The following DGKB variants were observed in gnomAD, a reference collection of about 807,000 sequenced individuals.
DGKB encodes 90 kDa diacylglycerol kinase.
In DGKB, 67 loss-of-function variants were observed where a neutral mutation model predicts 114.3. The observed-to-expected ratio is 0.59, with a 90% CI of 0.48 to 0.72. The LOEUF is 0.72. Ranked by LOEUF, DGKB falls within the 30% of genes least tolerant of loss-of-function variation. The pLI, the probability that DGKB is intolerant of heterozygous loss-of-function variation, is 0.00. For missense variants in DGKB, 907 were observed against 975.2 expected (o/e 0.93, Z 0.93); for synonymous variants, 398 against 323.1 (o/e 1.23, Z -2.49).
At chr7:14,452,246 T>G (rs549819355) in intron 21 of DGKB, among the ~76,000 whole-genome samples, 55 of 152,244 alleles carry the variant, frequency 3.6e-4, no homozygotes, top group Non-Finnish European at 6.8e-4. Flanking sequence ...AGTAAGCATA[T>G]GTTATTTTAT....
At chr7:14,431,474 G>T (rs1366452026) in intron 21 of DGKB, among the ~76,000 whole-genome samples, 2 of 152,072 alleles carry the variant, frequency 1.3e-5, no homozygotes, top group African/African-American at 4.8e-5. Context: ...AAAATGTTCA[G>T]AAATTCAAAC....
intron 20 of DGKB, 138 bp from the exon 21 acceptor site, chr7:14,478,363 T>A: frequency 3.8e-6 from 2 of 525,052 alleles, no homozygotes; most frequent in South Asian, 4.1e-5. Context: ...TTATGTAAAA[T>A]TAGGCAAAAA....
At chr7:14,261,977 T>C (rs1377628042) in intron 23 of DGKB, among the ~76,000 whole-genome samples, 1 of 152,206 alleles carries the variant, frequency 6.6e-6, no homozygotes, top group Non-Finnish European at 1.5e-5. Context: ...TTATGCATAG[T>C]GAAATGTGCT....
At chr7:14,314,543 T>C (rs1320549942) in intron 23 of DGKB, among the ~76,000 whole-genome samples, 5 of 151,560 alleles carry the variant, frequency 3.3e-5, no homozygotes, top group Non-Finnish European at 5.9e-5. Context: ...CAATGGAAGA[T>C]GAAATGAATG....
At chr7:14,696,333 A>C (rs896012568) in intron 8 of DGKB, among the ~76,000 whole-genome samples, 1 of 151,516 alleles carries the variant, frequency 6.6e-6, no homozygotes, top group Non-Finnish European at 1.5e-5. Context: ...CTCTACTAAA[A>C]ATACAAAAAA....
chr7:14,739,034 C>T (rs1832155648), intron 4 of DGKB, among the ~76,000 whole-genome samples: 1 of 152,094 alleles, frequency 6.6e-6, no homozygotes, highest in South Asian at 2.1e-4. Context: ...ATGCCAAGTC[C>T]CAAGTGTATG....
intron 20 of DGKB, among the ~76,000 whole-genome samples, chr7:14,545,006 G>T (rs140495548): frequency 8.8e-4 from 134 of 151,746 alleles, no homozygotes; most frequent in African/African-American, 3.0e-3. Flanking sequence ...TTAAAAAACA[G>T]ATTTTAAACA....
intron 23 of DGKB, among the ~76,000 whole-genome samples, chr7:14,206,475 C>T (rs988098573): frequency 9.9e-5 from 15 of 151,972 alleles, no homozygotes; most frequent in African/African-American, 3.6e-4. Flanking sequence ...AGTATGGTTG[C>T]AGCACAGAAT....
intron 23 of DGKB, among the ~76,000 whole-genome samples, chr7:14,254,973 C>T (rs1011539): frequency 0.13 from 19,817 of 151,974 alleles, 1,393 homozygotes; most frequent in Non-Finnish European, 0.15. Flanking sequence ...TTCTTTTAAA[C>T]GTGGCAAGGC....
In DGKB at chr7:14,454,266, C is replaced by T. The variant is rs1003483210; in HGVS notation, c.1835+23895G>A. ...CCATCTATCTAAGTATATTTTTGTA[C>T]CCATTGATCCACTTCTAATTTGAAA... On this transcript the variant is annotated intron_variant, in intron 21 of 25. Transcript: ENST00000402815. Among the ~76,000 whole-genome samples the T allele has an allele frequency of 5.9e-5, 9 of 152,106 alleles. No individual in the cohort carries two copies. The East Asian group carries it at 1.2e-3, about 20-fold the overall frequency.
At chr7:14,591,895 A>C (rs1418645828) in intron 17 of DGKB, among the ~76,000 whole-genome samples, 7 of 152,010 alleles carry the variant, frequency 4.6e-5, no homozygotes, top group African/African-American at 7.2e-5. Flanking sequence ...CACACCAGGA[A>C]AACCTTTTTT....
intron 14 of DGKB, among the ~76,000 whole-genome samples, chr7:14,624,092 T>G (rs937750969): frequency 6.6e-6 from 1 of 152,190 alleles, no homozygotes; most frequent in African/African-American, 2.4e-5. Context: ...TCAACATTGT[T>G]TTTATATTTC....
intron 2 of DGKB, among the ~76,000 whole-genome samples, chr7:14,760,279 C>T (rs150783613): frequency 3.9e-5 from 6 of 152,072 alleles, no homozygotes; most frequent in South Asian, 2.1e-4. Flanking sequence ...AGGTTGTTCT[C>T]GGGCAGAAAA....
intron 1 of DGKB, among the ~76,000 whole-genome samples, chr7:14,850,307 A>G (rs1358524591): frequency 1.3e-5 from 2 of 151,654 alleles, no homozygotes; most frequent in Admixed American, 6.6e-5. Context: ...AGACAGAAGT[A>G]GTTATCCAGA....
intron 4 of DGKB, among the ~76,000 whole-genome samples, chr7:14,748,988 G>C (rs968476300): frequency 1.4e-4 from 21 of 152,034 alleles, no homozygotes; most frequent in African/African-American, 4.8e-4. Flanking sequence ...AAATTAACTA[G>C]ATAATAATTT....
At chr7:14,200,481 T>C (rs1785691176) in intron 23 of DGKB, among the ~76,000 whole-genome samples, 2 of 152,120 alleles carry the variant, frequency 1.3e-5, no homozygotes, top group African/African-American at 4.8e-5. Context: ...TGTTATGAAT[T>C]TCTAATTGTC....
chr7:14,894,557 C>T (rs190817544), intron 1 of DGKB, among the ~76,000 whole-genome samples: 1 of 151,484 alleles, frequency 6.6e-6, no homozygotes, highest in African/African-American at 2.4e-5. Flanking sequence ...AGGACATTGC[C>T]TAGCCATAAA....
rs56812836 is a variant in DGKB at position 14,178,410 on chromosome 7, C to CAA, written c.2123-261_2123-260dup. Among the ~76,000 whole-genome samples the CAA allele has an allele frequency of 1.6e-4, 20 of 121,832 alleles. No individual in the cohort carries two copies. The South Asian group carries it at 1.8e-3, about 11-fold the overall frequency. 79.9% of individuals were successfully genotyped at this position (121,832 alleles called of 152,430 possible). On this transcript the variant is annotated intron_variant, in intron 23 of 25. Transcript: ENST00000402815. ...GCACAGATTCTGAGCCAAATAATAC[C>CAA]AAAAAAAAAAAAAAAAAACCCAGTA... is the stretch of plus-strand genomic sequence containing the variant.
intron 13 of DGKB, among the ~76,000 whole-genome samples, chr7:14,662,903 G>A (rs180719610): frequency 6.6e-6 from 1 of 151,536 alleles, no homozygotes; most frequent in East Asian, 1.9e-4. Flanking sequence ...CATAGTTATG[G>A]TATGATAAAA....
Sources: allele counts gnomAD v4.1 joint callset (sites outside exome capture counted in the v4.1 genomes callset), GRCh38; gene constraint gnomAD v4.1.1; transcripts MANE v1.5; gene names NCBI Gene and HGNC (gene_info 2026-07-23, HGNC 2026-07-21).